Variants in CSMD3 observed in about 807,000 individuals in gnomAD.
CSMD3 encodes CUB and Sushi multiple domains 3.
Under a neutral mutation model 435.2 loss-of-function variants are expected in CSMD3, and 177 were observed. The ratio of observed to expected loss-of-function variants is 0.41; its 90% CI spans 0.36 to 0.46. CSMD3 has a LOEUF of 0.46. CSMD3 is among the 20% of genes least tolerant of loss of function. CSMD3 has a pLI of 0.34. For missense variants in CSMD3, 4,265 were observed against 4,504.6 expected (o/e 0.95, Z 1.52); for synonymous variants, 1,656 against 1,520.5 (o/e 1.09, Z -2.07).
In CSMD3 at chr8:112,827,164, A is replaced by ATATATATATATATAT. The variant is rs1564000272; in HGVS notation, c.1859+2521_1859+2522insATATATATATATATA. Among the ~76,000 whole-genome samples, 94 of 82,816 alleles carry ATATATATATATATAT rather than the reference A, an allele frequency of 1.1e-3. 12 individuals are homozygous for ATATATATATATATAT. Among genetic ancestry groups the ATATATATATATATAT allele is most frequent in the East Asian group, 3.6e-3 (6 of 1,652 alleles). 54.3% of individuals were successfully genotyped at this position (82,816 alleles called of 152,430 possible). ...TTCTGTATTTTACTAGGTTACCATA[A>ATATATATATATATAT]ATATATATATATATATATATATATA... On this transcript the variant is annotated intron_variant, in intron 12 of 70. Transcript: ENST00000297405.
intron 12 of CSMD3, among the ~76,000 whole-genome samples, chr8:112,824,210 T>G (rs181382264): frequency 1.8e-4 from 28 of 152,242 alleles, no homozygotes; most frequent in African/African-American, 6.3e-4. Flanking sequence ...GCACATAAGA[T>G]GGGTCTCCTG....
intron 4 of CSMD3, among the ~76,000 whole-genome samples, chr8:113,139,833 T>C (rs940015394): frequency 6.6e-6 from 1 of 151,138 alleles, no homozygotes; most frequent in Admixed American, 6.6e-5. Context: ...TATAACAATA[T>C]AGCCATATTA....
intron 4 of CSMD3, among the ~76,000 whole-genome samples, chr8:113,163,105 A>C (rs1483010937): frequency 6.6e-6 from 1 of 152,130 alleles, no homozygotes; most frequent in Non-Finnish European, 1.5e-5. Flanking sequence ...AAATATAATA[A>C]AACTATGTTA....
chr8:112,903,613 G>T (rs978576802), intron 10 of CSMD3, among the ~76,000 whole-genome samples: 1 of 150,778 alleles, frequency 6.6e-6, no homozygotes, highest in East Asian at 2.0e-4. Context: ...TTTTTAAGAA[G>T]AAAAAACTCT....
At position 112,741,719 on chromosome 8, in the gene CSMD3, C is replaced by T. The variant is rs992734297; in HGVS notation, c.1973-51669G>A. Reference sequence around the variant, plus strand: ...CACAATAATAATTTAAAAGCCCCCCCCATCAAAAGGTTATTTGAGCAATTT... The same window carrying T: ...CACAATAATAATTTAAAAGCCCCCCTCATCAAAAGGTTATTTGAGCAATTT... On this transcript the variant is annotated intron_variant, in intron 13 of 70. Coordinates refer to ENST00000297405, the MANE Select transcript of CSMD3 (RefSeq NM_198123.2). Among the ~76,000 whole-genome samples the T allele has an allele frequency of 2.0e-5, 3 of 151,572 alleles. No homozygotes were observed. The South Asian group carries it at 6.2e-4, about 31-fold the overall frequency.
intron 5 of CSMD3, among the ~76,000 whole-genome samples, chr8:113,090,020 T>C (rs1336248518): frequency 6.6e-6 from 1 of 152,124 alleles, no homozygotes; most frequent in Non-Finnish European, 1.5e-5. Context: ...GTTAAAGTCA[T>C]TGTAGCAGAG....
chr8:113,005,294 T>C (rs1360866315), intron 6 of CSMD3, among the ~76,000 whole-genome samples: 2 of 151,988 alleles, frequency 1.3e-5, no homozygotes, highest in Non-Finnish European at 2.9e-5. Flanking sequence ...CTAGGATTTT[T>C]ATAAAAATAA....
intron 59 of CSMD3, among the ~76,000 whole-genome samples, chr8:112,276,679 T>A (rs2130532914): frequency 6.6e-6 from 1 of 152,182 alleles, no homozygotes; most frequent in South Asian, 2.1e-4. Context: ...AGGCCATGAC[T>A]TCAGAGTGTA....
chr8:112,504,667 T>C (rs1428496475), intron 29 of CSMD3, among the ~76,000 whole-genome samples: 1 of 152,152 alleles, frequency 6.6e-6, no homozygotes, highest in Non-Finnish European at 1.5e-5. Flanking sequence ...TTTTAGCATG[T>C]AAATGATTCA....
At chr8:112,573,780 A>G in intron 23 of CSMD3, 123 bp from the exon 24 acceptor site, 1 of 729,972 alleles carries the variant, frequency 1.4e-6, no homozygotes, top group Non-Finnish European at 2.3e-6. Flanking sequence ...ACATTTCCAA[A>G]GGGCAACTAA....
intron 19 of CSMD3, among the ~76,000 whole-genome samples, chr8:112,649,370 A>T (rs1006761359): frequency 2.0e-5 from 3 of 152,244 alleles, no homozygotes; most frequent in African/African-American, 7.2e-5. Context: ...AAAACTGTTT[A>T]AAAAATGATG....
chr8:112,234,264 A>T, intron 68 of CSMD3, 101 bp downstream of exon 68: 1 of 733,622 alleles, frequency 1.4e-6, no homozygotes, highest in Non-Finnish European at 2.4e-6. Flanking sequence ...ATGTATGTGT[A>T]TGTATTCATA....
intron 3 of CSMD3, among the ~76,000 whole-genome samples, chr8:113,218,978 T>C (rs2092937359): frequency 6.6e-6 from 1 of 151,270 alleles, no homozygotes; most frequent in African/African-American, 2.4e-5. Context: ...CCAAACCATA[T>C]CACATATTTA....
chr8:112,225,591 A>T (rs1191896093), intron 70 of CSMD3, among the ~76,000 whole-genome samples: 1 of 152,144 alleles, frequency 6.6e-6, no homozygotes. Flanking sequence ...TCCGCACAAA[A>T]AGAGAAGGAG....
chr8:112,482,793 C>G (rs900556785), intron 31 of CSMD3, among the ~76,000 whole-genome samples: 15 of 152,144 alleles, frequency 9.9e-5, no homozygotes, highest in African/African-American at 3.6e-4. Flanking sequence ...TCTACCAAAT[C>G]GCCTCAAAAA....
intron 7 of CSMD3, among the ~76,000 whole-genome samples, chr8:112,967,953 T>A (rs1053341242): frequency 1.3e-5 from 2 of 151,436 alleles, no homozygotes. Flanking sequence ...AATAAATACA[T>A]AGTAGAATGT....
intron 54 of CSMD3, 88 bp from the exon 55 acceptor site, chr8:112,292,798 C>CAATA: frequency 3.5e-6 from 4 of 1,153,698 alleles, no homozygotes; most frequent in Non-Finnish European, 2.6e-6. Context: ...TATACTTAAT[C>CAATA]ATTTCAAACA....
intron 4 of CSMD3, among the ~76,000 whole-genome samples, chr8:113,108,939 T>G (rs1424072974): frequency 6.6e-6 from 1 of 152,206 alleles, no homozygotes; most frequent in Non-Finnish European, 1.5e-5. Flanking sequence ...ACAAGCTGAT[T>G]TTTTAATTTC....
chr8:113,359,600 T>C (rs865978408), intron 1 of CSMD3, among the ~76,000 whole-genome samples: 3 of 152,198 alleles, frequency 2.0e-5, no homozygotes, highest in African/African-American at 7.2e-5. Context: ...GCAAACATTC[T>C]TCTAGCCATT....
Sources: gnomAD v4.1 joint callset for allele counts (sites outside exome capture counted in the v4.1 genomes callset) on GRCh38, gnomAD v4.1.1 for gene constraint, MANE v1.5 for transcripts, NCBI Gene and HGNC (gene_info 2026-07-23, HGNC 2026-07-21) for gene names.